UHRF2: variants seen among roughly 807,000 people sequenced by gnomAD.
UHRF2 encodes E3 ubiquitin-protein ligase UHRF2.
UHRF2 carries 23 observed loss-of-function variants against 96.8 expected under a neutral mutation model. The observed-to-expected ratio is 0.24, with a 90% CI of 0.17 to 0.34. UHRF2 has a LOEUF of 0.34. Ranked by LOEUF, UHRF2 falls within the 10% of genes least tolerant of loss-of-function variation. UHRF2 has a pLI of 1.00. For missense variants in UHRF2, 685 were observed against 981.5 expected (o/e 0.70, Z 4.04); for synonymous variants, 385 against 332.6 (o/e 1.16, Z -1.72).
At chr9:6,419,192 C>T (rs557038781) in intron 1 of UHRF2, among the ~76,000 whole-genome samples, 3 of 152,136 alleles carry the variant, frequency 2.0e-5, no homozygotes, top group Non-Finnish European at 4.4e-5. Flanking sequence ...CAACTTAGCT[C>T]GTAACAGTAG....
intron 14 of UHRF2, among the ~76,000 whole-genome samples, chr9:6,500,976 G>A (rs1816262098): frequency 6.6e-6 from 1 of 152,182 alleles, no homozygotes; most frequent in African/African-American, 2.4e-5. Context: ...AGAATTTTCA[G>A]TTTGTGAAAC....
chr9:6,483,091 C>T (rs774053472), intron 8 of UHRF2, among the ~76,000 whole-genome samples: 12 of 151,966 alleles, frequency 7.9e-5, no homozygotes, highest in East Asian at 3.9e-4. Context: ...TTTGGAAGGC[C>T]GCAGCAGCCA....
At chr9:6,439,388 G>A (rs1160333714) in intron 3 of UHRF2, among the ~76,000 whole-genome samples, 1 of 152,170 alleles carries the variant, frequency 6.6e-6, no homozygotes, top group Non-Finnish European at 1.5e-5. Context: ...TGGCCAGGTT[G>A]GTCTTGAACT....
At chr9:6,416,746 CT>C (rs979684276) in intron 1 of UHRF2, among the ~76,000 whole-genome samples, 3 of 151,196 alleles carry the variant, frequency 2.0e-5, no homozygotes, top group Admixed American at 1.3e-4. Flanking sequence ...TCACCGTGGT[CT>C]CGATCTCCTG....
At chr9:6,455,856 C>T (rs373907147) in intron 3 of UHRF2, among the ~76,000 whole-genome samples, 4 of 152,084 alleles carry the variant, frequency 2.6e-5, no homozygotes, top group Admixed American at 1.3e-4. Flanking sequence ...TAGTGGCATG[C>T]GTCTGTAGCC....
At position 6,445,981 on chromosome 9, in the gene UHRF2, C is replaced by CTTTGTTTTTTTTTTTTTTTTTTTTTTTT. The variant is rs751155835; in HGVS notation, c.644+11811_644+11812insGTTTTTTTTTTTTTTTTTTTTTTTTTTT. Among the ~76,000 whole-genome samples the CTTTGTTTTTTTTTTTTTTTTTTTTTTTT allele has an allele frequency of 1.9e-4, 15 of 78,894 alleles. 1 individual carries two copies. Among genetic ancestry groups the CTTTGTTTTTTTTTTTTTTTTTTTTTTTT allele is most frequent in the African/African-American group, 7.4e-4 (14 of 19,026 alleles). 51.8% of individuals were successfully genotyped at this position (78,894 alleles called of 152,430 possible). On this transcript the variant is annotated intron_variant, in intron 3 of 15. Transcript: ENST00000276893. ...TAAATACTCTTCCCCCCCCGCCACC[C>CTTTGTTTTTTTTTTTTTTTTTTTTTTTT]TTTTTTTTTTTTTTTTTTTCCTGTT...
intron 9 of UHRF2, among the ~76,000 whole-genome samples, chr9:6,488,938 G>A (rs763372123): frequency 1.4e-4 from 22 of 151,762 alleles, no homozygotes; most frequent in Non-Finnish European, 2.8e-4. Flanking sequence ...GCAGCTTTCC[G>A]AGTAGCTGGG....
intron 14 of UHRF2, among the ~76,000 whole-genome samples, chr9:6,503,850 A>G (rs1816436185): frequency 6.6e-6 from 1 of 151,962 alleles, no homozygotes; most frequent in African/African-American, 2.4e-5. Flanking sequence ...GGAATGTGAC[A>G]TTTAGGGGGA....
At chr9:6,471,207 A>G (rs1387311246) in intron 4 of UHRF2, among the ~76,000 whole-genome samples, 1 of 152,250 alleles carries the variant, frequency 6.6e-6, no homozygotes, top group African/African-American at 2.4e-5. Flanking sequence ...GTATGGTATC[A>G]TAACCCCCAA....
At chr9:6,450,221 T>G (rs1821770933) in intron 3 of UHRF2, among the ~76,000 whole-genome samples, 1 of 152,060 alleles carries the variant, frequency 6.6e-6, no homozygotes, top group Non-Finnish European at 1.5e-5. Context: ...AAAAATGTAC[T>G]TAGGTTGTTC....
rs774860559 is a variant in UHRF2 at position 6,413,513 on chromosome 9, T to C, written c.23T>C (p.Ile8Thr). 1.9e-6 allele frequency: 3 copies of C among 1,581,790 alleles called. No individual in the cohort carries two copies. Among genetic ancestry groups the C allele is most frequent in the Non-Finnish European group, 2.6e-6 (3 of 1,165,010 alleles). Residue 8 changes from isoleucine (I) to threonine (T), a missense_variant, in exon 1 of 16, where the codon ATT (isoleucine) becomes ACT (threonine). Ile to Thr is a moderately conservative substitution (Grantham distance 89). Transcript: ENST00000276893. ...AAGATGTGGATACAGGTTCGCACCATTGATGGCTCCAAGACGTGCACCATT... is the reference window on the plus strand; with the variant it reads ...AAGATGTGGATACAGGTTCGCACCACTGATGGCTCCAAGACGTGCACCATT... MWIQVRT[I>T]DGSKTCTIED...
intron 9 of UHRF2, chr9:6,492,919 G>A (rs553730685): frequency 6.9e-6 from 1 of 144,242 alleles, no homozygotes; most frequent in East Asian, 2.1e-4. Flanking sequence ...TCTTCTTAAT[G>A]GGAGGCTATT....
chr9:6,430,410 T>A (rs897494842), intron 2 of UHRF2, among the ~76,000 whole-genome samples: 13 of 152,134 alleles, frequency 8.5e-5, no homozygotes, highest in Non-Finnish European at 1.8e-4. Context: ...TCAACTCCTC[T>A]CCTCCCCATA....
chr9:6,413,895 C>T (rs2381444), intron 1 of UHRF2: 282,111 of 380,708 alleles, frequency 0.74, 108,353 homozygotes, highest in South Asian at 0.82. Flanking sequence ...GCGCAAATAT[C>T]TCGCCGTTTG....
intron 3 of UHRF2, among the ~76,000 whole-genome samples, chr9:6,450,637 C>T (rs1019861943): frequency 6.6e-6 from 1 of 152,056 alleles, no homozygotes; most frequent in Non-Finnish European, 1.5e-5. Flanking sequence ...AAAGGTTGAC[C>T]GGTGAGATTG....
intron 4 of UHRF2, among the ~76,000 whole-genome samples, chr9:6,474,164 T>C (rs1269216119): frequency 6.6e-6 from 1 of 152,238 alleles, no homozygotes; most frequent in Non-Finnish European, 1.5e-5. Flanking sequence ...TCTTCTGTCA[T>C]TGGTGGTCAC....
At chr9:6,498,814 C>A (rs1372660782) in intron 12 of UHRF2, 1 of 152,408 alleles carries the variant, frequency 6.6e-6, no homozygotes, top group African/African-American at 2.4e-5. Flanking sequence ...TCCCATCATT[C>A]CCCATTGTTG....
intron 2 of UHRF2, among the ~76,000 whole-genome samples, 156 bp downstream of exon 2, chr9:6,421,298 A>G (rs1587760896): frequency 6.6e-6 from 1 of 152,272 alleles, no homozygotes; most frequent in Admixed American, 6.5e-5. Flanking sequence ...AAAAATTGAT[A>G]TGAAATACGT....
At chr9:6,428,132 C>T (rs951123607) in intron 2 of UHRF2, among the ~76,000 whole-genome samples, 1 of 152,176 alleles carries the variant, frequency 6.6e-6, no homozygotes, top group African/African-American at 2.4e-5. Context: ...TTCTTATGCT[C>T]ATTGTATAAT....
Sources: gnomAD v4.1 joint callset for allele counts (sites outside exome capture counted in the v4.1 genomes callset) on GRCh38, gnomAD v4.1.1 for gene constraint, MANE v1.5 for transcripts, NCBI Gene and HGNC (gene_info 2026-07-23, HGNC 2026-07-21) for gene names.